CCDC171: variants seen among roughly 807,000 people sequenced by gnomAD.
The protein encoded by CCDC171 is coiled-coil domain containing 171.
In CCDC171, 177 loss-of-function variants were observed where a neutral mutation model predicts 168.2. The observed-to-expected ratio is 1.05, with a 90% CI of 0.93 to 1.19. The LOEUF (loss-of-function observed/expected upper bound fraction) is 1.19, where lower values mean the gene tolerates loss of function less well. CCDC171 is among the 50% of genes most tolerant of loss of function. The pLI is 0.00. For synonymous variants in CCDC171, 687 were observed against 540.8 expected, an observed-to-expected ratio of 1.27 and a Z score of -3.75; for missense variants, 1,991 against 1,539.0, an observed-to-expected ratio of 1.29 and a Z score of -4.91.
At chr9:16,024,048 T>G (rs1833227844) in intron 6 of CCDC171, among the ~76,000 whole-genome samples, 1 of 152,000 alleles carries the variant, frequency 6.6e-6, no homozygotes, top group Non-Finnish European at 1.5e-5. Context: ...GAGGTCAGCG[T>G]AATGCACTTT....
chr9:15,787,444 A>G (rs773164662), intron 21 of CCDC171, among the ~76,000 whole-genome samples: 1 of 152,094 alleles, frequency 6.6e-6, no homozygotes, highest in Admixed American at 6.6e-5. Context: ...AATATTATAG[A>G]CTTAGATTTA....
chr9:16,015,307 C>G (rs1240766161), intron 3 of CCDC171, among the ~76,000 whole-genome samples: 1 of 152,212 alleles, frequency 6.6e-6, no homozygotes, highest in Non-Finnish European at 1.5e-5. Context: ...AACTTCCTCA[C>G]CTTCTCAGCC....
intron 24 of CCDC171, among the ~76,000 whole-genome samples, chr9:15,877,179 G>C (rs1044394836): frequency 1.3e-5 from 2 of 150,076 alleles, no homozygotes; most frequent in Non-Finnish European, 3.0e-5. Context: ...TTTCTTAGCT[G>C]AAACAAACAA....
chr9:15,681,481 A>G (rs1175017096), intron 10 of CCDC171, among the ~76,000 whole-genome samples: 2 of 151,508 alleles, frequency 1.3e-5, no homozygotes, highest in East Asian at 1.9e-4. Flanking sequence ...TTTCTGTTTT[A>G]TGCTTATTAG....
intron 3 of CCDC171, among the ~76,000 whole-genome samples, chr9:15,575,732 T>C (rs1425987062): frequency 6.6e-6 from 1 of 152,240 alleles, no homozygotes; most frequent in Non-Finnish European, 1.5e-5. Context: ...TAACAAGTCA[T>C]AGTAGTGTTA....
At chr9:15,903,899 T>G (rs1822101620) in intron 24 of CCDC171, among the ~76,000 whole-genome samples, 1 of 152,116 alleles carries the variant, frequency 6.6e-6, no homozygotes, top group South Asian at 2.1e-4. Flanking sequence ...CAGTAGCCGA[T>G]TTGATCAACT....
chr9:15,700,048 C>T (rs554857579), intron 11 of CCDC171, among the ~76,000 whole-genome samples: 1 of 152,346 alleles, frequency 6.6e-6, no homozygotes, highest in East Asian at 1.9e-4. Flanking sequence ...TGACCGCACT[C>T]CTCAGCCCTT....
intron 21 of CCDC171, among the ~76,000 whole-genome samples, chr9:15,821,258 T>C (rs1328984449): frequency 8.5e-6 from 1 of 117,110 alleles, no homozygotes. Context: ...CTGGAAGCAT[T>C]CCCTTTGAAA....
At chr9:15,642,328 T>TATAC (rs1452090343) in intron 7 of CCDC171, among the ~76,000 whole-genome samples, 1 of 135,804 alleles carries the variant, frequency 7.4e-6, no homozygotes, top group Non-Finnish European at 1.6e-5. Flanking sequence ...TATATATATA[T>TATAC]ACACGTGTGT....
chr9:15,628,310 G>A (rs560676275), intron 7 of CCDC171, among the ~76,000 whole-genome samples: 2 of 152,262 alleles, frequency 1.3e-5, no homozygotes, highest in South Asian at 2.1e-4. Flanking sequence ...CTGGAAAATC[G>A]GGTCACTCCC....
chr9:15,861,138 A>G (rs1430938824), intron 23 of CCDC171, among the ~76,000 whole-genome samples: 1 of 151,232 alleles, frequency 6.6e-6, no homozygotes, highest in African/African-American at 2.4e-5. Flanking sequence ...TGGAATATCT[A>G]TTTCCAACAC....
chr9:15,855,908 A>G (rs1045522178), intron 23 of CCDC171, among the ~76,000 whole-genome samples: 3 of 152,032 alleles, frequency 2.0e-5, no homozygotes, highest in Non-Finnish European at 4.4e-5. Context: ...TGATTGTTTT[A>G]TATAGTTGTC....
intron 21 of CCDC171, among the ~76,000 whole-genome samples, chr9:15,817,893 C>T (rs866961241): frequency 3.4e-5 from 4 of 118,702 alleles, no homozygotes; most frequent in African/African-American, 1.3e-4. Flanking sequence ...GGCAGACTGC[C>T]TCCTCAAGTG....
intron 2 of CCDC171, among the ~76,000 whole-genome samples, chr9:15,568,267 C>CT (rs554021809): frequency 0.016 from 2,027 of 126,846 alleles, 57 homozygotes; most frequent in African/African-American, 0.036. Context: ...TCCAATACAT[C>CT]TTTTTTTTTT....
intron 5 of CCDC171, among the ~76,000 whole-genome samples, chr9:15,593,201 T>C (rs1324922873): frequency 1.3e-5 from 2 of 152,144 alleles, no homozygotes; most frequent in South Asian, 2.1e-4. Context: ...GTATTTGTTA[T>C]ACAGATCCAT....
At chr9:15,725,178 T>C (rs948227116) in intron 14 of CCDC171, among the ~76,000 whole-genome samples, 7 of 152,234 alleles carry the variant, frequency 4.6e-5, no homozygotes, top group Admixed American at 4.6e-4. Flanking sequence ...CTTGCACAAC[T>C]AATTTTTTTT....
intron 18 of CCDC171, among the ~76,000 whole-genome samples, chr9:15,769,946 C>A (rs1320218842): frequency 6.6e-6 from 1 of 152,146 alleles, no homozygotes; most frequent in East Asian, 1.9e-4. Context: ...ATTCATAGTT[C>A]TTTCCTTTCC....
At chr9:15,934,238 A>G (rs1003584813) in intron 25 of CCDC171, among the ~76,000 whole-genome samples, 6 of 151,656 alleles carry the variant, frequency 4.0e-5, no homozygotes, top group African/African-American at 1.5e-4. Context: ...AAACTAAAAA[A>G]GATTAACTGG....
At chr9:15,645,100 G>T (rs2046933731) in intron 7 of CCDC171, among the ~76,000 whole-genome samples, 2 of 152,202 alleles carry the variant, frequency 1.3e-5, no homozygotes, top group Non-Finnish European at 2.9e-5. Flanking sequence ...TTGCTGTTCT[G>T]CAGCTTCCGC....
Sources: allele counts gnomAD v4.1 joint callset (sites outside exome capture counted in the v4.1 genomes callset), GRCh38; gene constraint gnomAD v4.1.1; transcripts MANE v1.5; gene names NCBI Gene and HGNC (gene_info 2026-07-23, HGNC 2026-07-21).